Variants in FBXO34 observed in about 807,000 individuals in gnomAD.
FBXO34 encodes the protein F-box only protein 34.
FBXO34 carries 12 observed loss-of-function variants against 24.5 expected under a neutral mutation model. That is an observed-to-expected ratio of 0.49 (90% CI 0.31 to 0.79). The LOEUF (loss-of-function observed/expected upper bound fraction) is 0.79. Among genes scored for constraint, FBXO34 ranks in the 30% least tolerant of loss-of-function variants. The probability of loss-of-function intolerance (pLI) is 0.04; values close to 1 mark genes in which losing one functional copy is unlikely to be tolerated. For missense variants in FBXO34, 823 were observed against 857.7 expected (o/e 0.96, Z 0.51); for synonymous variants, 320 against 311.9 (o/e 1.03, Z -0.27).
At chr14:55,340,841 G>A (rs1045161813) in intron 1 of FBXO34, among the ~76,000 whole-genome samples, 2 of 152,142 alleles carry the variant, frequency 1.3e-5, no homozygotes, top group Non-Finnish European at 2.9e-5. Flanking sequence ...TTGGAATCTT[G>A]AATATTATCC....
At chr14:55,407,278 G>A in the FBXO34 span, among the ~76,000 whole-genome samples, 27 of 152,124 alleles carry the variant, frequency 1.8e-4, no homozygotes, top group African/African-American at 6.3e-4. Flanking sequence ...ACAGGCATGC[G>A]TGCCACCACG....
the FBXO34 span, among the ~76,000 whole-genome samples, chr14:55,399,288 A>C: frequency 3.3e-5 from 5 of 152,368 alleles, no homozygotes; most frequent in East Asian, 9.6e-4. Context: ...AAATTATATT[A>C]AAAGTTCAGT....
chr14:55,294,025 A>C (rs1382975775), intron 1 of FBXO34, among the ~76,000 whole-genome samples: 2 of 152,074 alleles, frequency 1.3e-5, no homozygotes, highest in African/African-American at 4.8e-5. Context: ...TCCTTAGATA[A>C]ATCTTCATTC....
downstream of FBXO34, among the ~76,000 whole-genome samples, chr14:55,354,039 C>T (rs1213269619): frequency 9.9e-5 from 15 of 152,224 alleles, no homozygotes; most frequent in Admixed American, 4.6e-4. Context: ...AGACCAGTGT[C>T]GGCTGCAGGC....
intron 1 of FBXO34, among the ~76,000 whole-genome samples, chr14:55,294,590 G>T (rs190428401): frequency 6.6e-6 from 1 of 152,130 alleles, no homozygotes; most frequent in Non-Finnish European, 1.5e-5. Context: ...AGGGTATAAC[G>T]TAAGAAAGTT....
intron 1 of FBXO34, among the ~76,000 whole-genome samples, chr14:55,277,964 T>C (rs2139632356): frequency 6.6e-6 from 1 of 152,278 alleles, no homozygotes; most frequent in East Asian, 1.9e-4. Flanking sequence ...AACAGATTAG[T>C]CTGAACTTCT....
chr14:55,414,500 C>A, the FBXO34 span: 72 of 1,371,650 alleles, frequency 5.2e-5, no homozygotes, highest in East Asian at 1.5e-3. Context: ...ATAAAAATAC[C>A]AACATTTACT....
chr14:55,345,025 G>A (rs1884114451), intron 1 of FBXO34, among the ~76,000 whole-genome samples: 1 of 152,154 alleles, frequency 6.6e-6, no homozygotes, highest in Non-Finnish European at 1.5e-5. Context: ...GGCTGGGTGT[G>A]GTGACTCACT....
chr14:55,442,643 A>G, the FBXO34 span, among the ~76,000 whole-genome samples: 1 of 152,182 alleles, frequency 6.6e-6, no homozygotes, highest in Non-Finnish European at 1.5e-5. Flanking sequence ...TAAAGGAAAC[A>G]TTTTGATGAG....
At chr14:55,355,454 C>T (rs1216998219), downstream of FBXO34, among the ~76,000 whole-genome samples, 2 of 152,218 alleles carry the variant, frequency 1.3e-5, no homozygotes, top group African/African-American at 4.8e-5. Context: ...CCCTCCCCAT[C>T]TGTAGGTTCT....
At chr14:55,437,375 G>A in the FBXO34 span, among the ~76,000 whole-genome samples, 2 of 152,236 alleles carry the variant, frequency 1.3e-5, no homozygotes, top group Admixed American at 1.3e-4. Context: ...CTACTGGGGA[G>A]GCTGAGGCAT....
At chr14:55,395,902 T>C in the FBXO34 span, 1 of 1,448,782 alleles carries the variant, frequency 6.9e-7, no homozygotes, top group Non-Finnish European at 9.2e-7. Flanking sequence ...CTTAAAAACA[T>C]GTAGCCTCAA....
At chr14:55,322,351 C>T (rs1241365071) in intron 1 of FBXO34, among the ~76,000 whole-genome samples, 1 of 148,380 alleles carries the variant, frequency 6.7e-6, no homozygotes, top group Non-Finnish European at 1.5e-5. Context: ...ACAACAACAA[C>T]AAAAAAAGAC....
chr14:55,362,846 T>A (rs916253108), downstream of FBXO34, among the ~76,000 whole-genome samples: 3 of 152,060 alleles, frequency 2.0e-5, no homozygotes, highest in South Asian at 2.1e-4. Context: ...TTTTTTTTTT[T>A]AATTAGGGAA....
At chr14:55,400,048 A>G in the FBXO34 span, among the ~76,000 whole-genome samples, 1 of 152,242 alleles carries the variant, frequency 6.6e-6, no homozygotes, top group Admixed American at 6.5e-5. Flanking sequence ...CTAATACTTC[A>G]TGAGTCACGT....
At chr14:55,273,518 C>G (rs1359364191) in intron 1 of FBXO34, among the ~76,000 whole-genome samples, 1 of 152,148 alleles carries the variant, frequency 6.6e-6, no homozygotes, top group South Asian at 2.1e-4. Context: ...TCTAAAGATA[C>G]AATTTTGTAT....
At chr14:55,281,255 T>TAA (rs533626777) in intron 1 of FBXO34, among the ~76,000 whole-genome samples, 10,648 of 98,288 alleles carry the variant, frequency 0.11, 1,501 homozygotes, top group African/African-American at 0.32. Context: ...CCCGACTCCT[T>TAA]AAAAAAAAAA....
the FBXO34 span, chr14:55,424,278 T>C: frequency 6.7e-7 from 1 of 1,502,092 alleles, no homozygotes; most frequent in Admixed American, 1.7e-5. Context: ...AAGGAAAATG[T>C]TAAAAATAGC....
the FBXO34 span, chr14:55,378,200 C>T: frequency 1.4e-6 from 1 of 710,100 alleles, no homozygotes; most frequent in Non-Finnish European, 2.4e-6. Context: ...GTAAATTGCA[C>T]TTAAAGACTT....
Sources: gnomAD v4.1 joint callset for allele counts (sites outside exome capture counted in the v4.1 genomes callset) on GRCh38, gnomAD v4.1.1 for gene constraint, MANE v1.5 for transcripts, NCBI Gene and HGNC (gene_info 2026-07-23, HGNC 2026-07-21) for gene names.